Variants in SIPA1L2 observed in about 807,000 individuals in gnomAD.
SIPA1L2 encodes signal-induced proliferation-associated 1-like protein 2.
A neutral mutation model predicts 163.9 loss-of-function variants in SIPA1L2; 56 were observed. That is an observed-to-expected ratio of 0.34 (90% confidence interval 0.28 to 0.43). The LOEUF is 0.43. SIPA1L2 is among the 20% of genes least tolerant of loss of function. The pLI, the probability that SIPA1L2 is intolerant of heterozygous loss-of-function variation, is 1.00. For missense variants in SIPA1L2, 1,974 were observed against 2,193.5 expected, an observed-to-expected ratio of 0.90 and a Z score of 2.00; for synonymous variants, 877 against 865.7, an observed-to-expected ratio of 1.01 and a Z score of -0.23.
intron 5 of SIPA1L2, among the ~76,000 whole-genome samples, chr1:232,486,117 C>T (rs1665634951): frequency 6.6e-6 from 1 of 152,180 alleles, no homozygotes; most frequent in South Asian, 2.1e-4. Flanking sequence ...CAAGAGGAAA[C>T]CCCTTCCTCT....
chr1:232,587,603 GC>G (rs1660740713), intron 1 of SIPA1L2, among the ~76,000 whole-genome samples: 1 of 152,126 alleles, frequency 6.6e-6, no homozygotes, highest in Non-Finnish European at 1.5e-5. Context: ...CAAGGCAGTG[GC>G]CCCACACTGT....
chr1:232,435,559 C>T (rs6424229), intron 15 of SIPA1L2, among the ~76,000 whole-genome samples: 42,933 of 152,000 alleles, frequency 0.28, 6,542 homozygotes, highest in East Asian at 0.48. Context: ...GAGAAAGGTA[C>T]GGTGGCATGA....
intron 2 of SIPA1L2, among the ~76,000 whole-genome samples, chr1:232,541,498 A>G (rs1016932588): frequency 6.6e-6 from 1 of 152,174 alleles, no homozygotes; most frequent in Non-Finnish European, 1.5e-5. Context: ...GATGAACCAG[A>G]TAGATAATTT....
intron 18 of SIPA1L2, among the ~76,000 whole-genome samples, chr1:232,416,183 G>A (rs1222314931): frequency 6.6e-6 from 1 of 152,162 alleles, no homozygotes; most frequent in Non-Finnish European, 1.5e-5. Context: ...CACAGGCAAT[G>A]CTATCCCCTC....
intron 3 of SIPA1L2, among the ~76,000 whole-genome samples, chr1:232,495,212 C>T (rs1301000373): frequency 6.6e-6 from 1 of 152,164 alleles, no homozygotes; most frequent in Non-Finnish European, 1.5e-5. Context: ...GGGATTAGTA[C>T]TGACATTATT....
intron 1 of SIPA1L2, among the ~76,000 whole-genome samples, chr1:232,594,032 C>T (rs941008587): frequency 6.6e-5 from 10 of 152,170 alleles, no homozygotes; most frequent in Non-Finnish European, 1.3e-4. Flanking sequence ...TAATCTCTAA[C>T]CTGTCTCCGA....
chr1:232,428,455 A>C lies in SIPA1L2; in HGVS notation c.4366T>G (p.Leu1456Val). The change falls in exon 17 of 23, where the codon TTG (leucine) becomes GTG (valine). Residue 1456 changes from leucine to valine, a missense_variant. This residue lies in a region of SIPA1L2 where 1,079 missense variants were observed against 1,150.7 expected (regional missense o/e 0.94). Transcript: ENST00000674635. The part of the protein sequence containing the change: ...HVLSKEDFLK[L>V]MLPDSPLVEE... Reference sequence around the variant, plus strand: ...ACTAAGGGGCTGTCAGGAAGCATCAATTTCAGAAAATCTTCTTTAGACAGA... The same window carrying C: ...ACTAAGGGGCTGTCAGGAAGCATCACTTTCAGAAAATCTTCTTTAGACAGA... 6.3e-7 allele frequency: 1 copy of C among 1,586,808 alleles called. No individual in the cohort carries two copies. Among genetic ancestry groups the C allele is most frequent in the Non-Finnish European group, 8.6e-7 (1 of 1,167,472 alleles).
intron 2 of SIPA1L2, among the ~76,000 whole-genome samples, chr1:232,559,328 A>G (rs1658900807): frequency 1.3e-5 from 2 of 152,334 alleles, no homozygotes; most frequent in South Asian, 2.1e-4. Context: ...ATGAACAAAT[A>G]GTAACATAAA....
chr1:232,404,035 C>T lies in SIPA1L2; in HGVS notation c.4816+90G>A, dbSNP rs74968443. The T allele has an allele frequency of 1.7e-3, 2,447 of 1,436,506 alleles. 39 individuals are homozygous for T. In the African/African-American group the frequency reaches 0.03, roughly 18 times the overall value. The allele number at this position is 1,436,506 out of a possible 1,614,324, so 89.0% of individuals were successfully genotyped here. A position where few individuals can be genotyped will look rare whatever the true frequency, so the allele number is the denominator to read the frequency against. On this transcript the variant is annotated intron_variant, in intron 20 of 22. Coordinates refer to ENST00000674635, the MANE Select transcript of SIPA1L2 (RefSeq NM_020808.5). Reference sequence around the variant, plus strand: ...CGCTGTGCACCCCCAACCCTCAGGGCGTGAATAACCATGCAGACGTGCAGA... The same window carrying T: ...CGCTGTGCACCCCCAACCCTCAGGGTGTGAATAACCATGCAGACGTGCAGA...
chr1:232,508,421 G>A (rs931720026), intron 3 of SIPA1L2, among the ~76,000 whole-genome samples: 12 of 152,322 alleles, frequency 7.9e-5, no homozygotes, highest in Middle Eastern at 3.4e-3. Flanking sequence ...GAGACCTCAC[G>A]TGTCAACACA....
At chr1:232,606,762 G>A (rs568134606) in intron 1 of SIPA1L2, among the ~76,000 whole-genome samples, 3 of 151,470 alleles carry the variant, frequency 2.0e-5, no homozygotes, top group African/African-American at 7.3e-5. Context: ...TTGTCAGAAG[G>A]TTAAAAAATA....
In SIPA1L2 at chr1:232,398,701, T is replaced by G. The variant is rs139727478; in HGVS notation, c.*426A>C. The G allele has an allele frequency of 9.8e-4, 155 of 158,818 alleles. 1 individual carries two copies. Among genetic ancestry groups the G allele is most frequent in the African/African-American group, 3.2e-3 (135 of 41,744 alleles). 9.8% of individuals were successfully genotyped at this position (158,818 alleles called of 1,614,324 possible). ...CACCTTTAACATTAAAGTATATGTC[T>G]GATTATTTGTTCTCATGTTTATTTT... is the stretch of plus-strand genomic sequence containing the variant. On this transcript the variant is annotated 3_prime_UTR_variant, in exon 23 of 23. Transcript: ENST00000674635.
At position 232,514,989 on chromosome 1, in the gene SIPA1L2, C is replaced by A. The variant is rs767727300; in HGVS notation, c.351G>T (p.Gly117=). The A allele has an allele frequency of 6.2e-7, 1 of 1,614,152 alleles. No homozygotes were observed. Among genetic ancestry groups the A allele is most frequent in the East Asian group, 2.2e-5 (1 of 44,864 alleles). The part of the protein sequence containing the change: ...YESITSVLQN[G]QSDQSEGQQD... Reference sequence around the variant, plus strand: ...GCTGACCTTCACTCTGGTCACTCTGCCCATTCTGCAGGACAGAAGTGATGC... The same window carrying A: ...GCTGACCTTCACTCTGGTCACTCTGACCATTCTGCAGGACAGAAGTGATGC... Residue 117 remains glycine (G), a synonymous_variant, in exon 3 of 23, where the codon GGG becomes GGT. Coordinates refer to ENST00000674635, the MANE Select transcript of SIPA1L2 (RefSeq NM_020808.5).
chr1:232,539,641 C>T (rs1232186371), intron 2 of SIPA1L2, among the ~76,000 whole-genome samples: 1 of 152,162 alleles, frequency 6.6e-6, no homozygotes, highest in Non-Finnish European at 1.5e-5. Flanking sequence ...AGAGCAAACA[C>T]AACTGACCTG....
Position 232,593,953 on chromosome 1 carries a change from C to T in SIPA1L2, c.-318-19731G>A, listed in dbSNP as rs78259720. 7.6e-3 allele frequency among the ~76,000 whole-genome samples: 1,154 copies of T among 152,336 alleles called. 15 individuals are homozygous for T. Among genetic ancestry groups the T allele is most frequent in the African/African-American group, 0.026 (1,095 of 41,562 alleles). On this transcript the variant is annotated intron_variant, in intron 1 of 22. Coordinates refer to ENST00000674635, the MANE Select transcript of SIPA1L2 (RefSeq NM_020808.5). ...TCAAAGCCACAAGGGCAAGCTCAGG[C>T]CCCTCAGTCAGCCCTGCTCAGCTGG...
At chr1:232,532,065 T>C (rs1451453154) in intron 2 of SIPA1L2, among the ~76,000 whole-genome samples, 1 of 152,020 alleles carries the variant, frequency 6.6e-6, no homozygotes, top group African/African-American at 2.4e-5. Flanking sequence ...AGCCATTCTG[T>C]TTGCGGTGAT....
At chr1:232,493,810 T>G (rs1245675745) in intron 3 of SIPA1L2, 150 bp from the exon 4 acceptor site, 2 of 1,039,414 alleles carry the variant, frequency 1.9e-6, no homozygotes, top group Non-Finnish European at 2.7e-6. Flanking sequence ...TCAAGTCTTC[T>G]GGTTTCCAGT....
chr1:232,579,006 T>G (rs1163005374), intron 1 of SIPA1L2, among the ~76,000 whole-genome samples: 2 of 152,158 alleles, frequency 1.3e-5, no homozygotes, highest in Non-Finnish European at 2.9e-5. Flanking sequence ...GGATGCCAAG[T>G]GTGAGGGGGA....
At chr1:232,452,595 G>A (rs1663648818) in intron 10 of SIPA1L2, among the ~76,000 whole-genome samples, 1 of 152,226 alleles carries the variant, frequency 6.6e-6, no homozygotes, top group Non-Finnish European at 1.5e-5. Flanking sequence ...GACACTGGAA[G>A]GTGGAATCCC....
Sources: allele counts gnomAD v4.1 joint callset (sites outside exome capture counted in the v4.1 genomes callset), GRCh38; gene constraint gnomAD v4.1.1; regional missense constraint gnomAD v4.1.1; transcripts MANE v1.5; gene names NCBI Gene and HGNC (gene_info 2026-07-23, HGNC 2026-07-21).